The following IL3RA variants were observed in gnomAD, a reference collection of about 807,000 sequenced individuals.
The protein encoded by IL3RA is interleukin 3 receptor subunit alpha, also known as interleukin-3 receptor subunit alpha.
In IL3RA, 73 loss-of-function variants were observed where a neutral mutation model predicts 52.3. That is an observed-to-expected ratio of 1.40 (90% confidence interval 1.16 to 1.70). The LOEUF (loss-of-function observed/expected upper bound fraction) is 1.70, where lower values mean the gene tolerates loss of function less well. Among genes scored for constraint, IL3RA ranks in the 40% most tolerant of loss-of-function variants. IL3RA has a pLI of 0.00. For synonymous variants in IL3RA, 260 were observed against 194.0 expected, an observed-to-expected ratio of 1.34 and a Z score of -2.83; for missense variants, 664 against 504.4, an observed-to-expected ratio of 1.32 and a Z score of -3.03.
At chrX:1,379,246 C>A (rs1383696709) in intron 10 of IL3RA, among the ~76,000 whole-genome samples, 1 of 152,082 alleles carries the variant, frequency 6.6e-6, no homozygotes, top group Non-Finnish European at 1.5e-5. Flanking sequence ...GCCTCCACCT[C>A]CCGGGTTCAA....
intron 4 of IL3RA, among the ~76,000 whole-genome samples, chrX:1,349,084 T>C (rs1383888677): frequency 6.7e-6 from 1 of 149,084 alleles, no homozygotes; most frequent in Non-Finnish European, 1.5e-5. Context: ...CACAGCTTAC[T>C]GCAGGCTTCA....
At position 1,346,559 on chromosome X, in the gene IL3RA, A is replaced by T. The variant is rs17885336; in HGVS notation, c.183+1125A>T. On this transcript the variant is annotated intron_variant, in intron 3 of 11. Transcript: ENST00000331035. ...GAGGCCGAGGTTGCACTGAGCCGAG[A>T]TTGTGCCACTGCACTCCAGCCTGGG... Among the ~76,000 whole-genome samples, 912 of 152,042 alleles carry T rather than the reference A, an allele frequency of 6.0e-3. 31 individuals carry two copies. The highest frequency in any genetic ancestry group is 0.021 in the African/African-American group (880 of 41,352).
chrX:1,344,900 T>C (rs184042006), intron 2 of IL3RA, among the ~76,000 whole-genome samples: 2,881 of 149,344 alleles, frequency 0.019, 50 homozygotes, highest in African/African-American at 0.046. Flanking sequence ...CGGTGGCTCA[T>C]GCCTGTAATC....
chrX:1,368,896 A>C (rs775384017), intron 9 of IL3RA, among the ~76,000 whole-genome samples: 4 of 26,148 alleles, frequency 1.5e-4, no homozygotes, highest in Non-Finnish European at 1.9e-4. Context: ...TCTCATAAGA[A>C]GAGACGAGGA....
chrX:1,345,505 T>A (rs1213870579), intron 3 of IL3RA, 71 bp downstream of exon 3: 4 of 1,104,714 alleles, frequency 3.6e-6, no homozygotes, highest in African/African-American at 3.3e-5. Flanking sequence ...TTATTTATTT[T>A]TTGAGACGGA....
intron 3 of IL3RA, among the ~76,000 whole-genome samples, chrX:1,347,175 G>T (rs192267544): frequency 6.6e-6 from 1 of 151,550 alleles, no homozygotes; most frequent in Admixed American, 6.6e-5. Context: ...GGCCGGGCGT[G>T]GTGGCTCACG....
At chrX:1,362,514 TTCTG>T (rs1470018241) in intron 8 of IL3RA, among the ~76,000 whole-genome samples, 1 of 151,296 alleles carries the variant, frequency 6.6e-6, no homozygotes, top group African/African-American at 2.4e-5. Context: ...ATGTCTGTTT[TTCTG>T]TCTCTGTTTT....
At position 1,378,762 on chromosome X, in the gene IL3RA, A is replaced by G; in HGVS notation, c.978A>G (p.Arg326=). ...TGGTCTGTGTCTTCGTGATCTGCAG[A>G]AGGTGAGCCCTCGAGGGCGTCCGCG... ...LALVCVFVIC[R]RYLVMQRLFP... The change falls in exon 10 of 12, where the codon AGA becomes AGG. Residue 326 remains arginine (R), a splice_region_variant and synonymous_variant. Coordinates refer to ENST00000331035, the MANE Select transcript of IL3RA (RefSeq NM_002183.4). The G allele has an allele frequency of 6.2e-7, 1 of 1,612,102 alleles. No individual in the cohort carries two copies. The highest frequency in any genetic ancestry group is 8.5e-7 in the Non-Finnish European group (1 of 1,179,722).
At chrX:1,347,554 G>A (rs1167122302) in intron 3 of IL3RA, among the ~76,000 whole-genome samples, 1 of 151,822 alleles carries the variant, frequency 6.6e-6, no homozygotes, top group Non-Finnish European at 1.5e-5. Context: ...GAGAGGTGGA[G>A]GTTGCAGTGA....
chrX:1,361,419 A>G (rs2087348923), intron 8 of IL3RA, among the ~76,000 whole-genome samples: 1 of 152,010 alleles, frequency 6.6e-6, no homozygotes, highest in Non-Finnish European at 1.5e-5. Context: ...AAGGTGAAGG[A>G]GGAGGAAAGG....
intron 4 of IL3RA, among the ~76,000 whole-genome samples, chrX:1,350,194 C>T (rs1449321610): frequency 5.3e-4 from 80 of 152,082 alleles, no homozygotes; most frequent in African/African-American, 1.8e-3. Context: ...GTGGCTCACG[C>T]CTGTAATCCC....
rs1187426063 is a variant in IL3RA, at chrX:1,353,943, A to AGCC, written c.616+1437_616+1438insGCC. Among the ~76,000 whole-genome samples, 58 of 42,770 alleles carry AGCC rather than the reference A, an allele frequency of 1.4e-3. 1 individual carries two copies. Among genetic ancestry groups the AGCC allele is most frequent in the Non-Finnish European group, 2.4e-3 (52 of 21,798 alleles). 28.1% of individuals were successfully genotyped at this position (42,770 alleles called of 152,430 possible). On this transcript the variant is annotated intron_variant, in intron 6 of 11. Transcript: ENST00000331035. ...CATGGGTTCCATCATGGGTCATGGG[A>AGCC]CCCCCCCCCCCATCATGGGTCGTGG...
At chrX:1,378,316 A>G (rs1267468728) in intron 9 of IL3RA, among the ~76,000 whole-genome samples, 1 of 152,116 alleles carries the variant, frequency 6.6e-6, no homozygotes, top group Non-Finnish European at 1.5e-5. Flanking sequence ...CCCACACCCA[A>G]AGCACCTGCC....
intron 4 of IL3RA, among the ~76,000 whole-genome samples, chrX:1,349,644 T>G: frequency 6.6e-6 from 1 of 150,842 alleles, no homozygotes; most frequent in African/African-American, 2.5e-5. Context: ...TAGAAGTCCA[T>G]GGTTTATTTT....
chrX:1,347,382 T>C (rs2085795599), intron 3 of IL3RA, among the ~76,000 whole-genome samples: 1 of 151,220 alleles, frequency 6.6e-6, no homozygotes, highest in South Asian at 2.1e-4. Flanking sequence ...AGGCAGAAGC[T>C]TGCAGTGAGC....
At chrX:1,347,993 C>T (rs768086902) in intron 3 of IL3RA, among the ~76,000 whole-genome samples, 30 of 143,600 alleles carry the variant, frequency 2.1e-4, no homozygotes, top group African/African-American at 6.2e-4. Flanking sequence ...GCCGAGATCG[C>T]GCCCCTGCAC....
intron 9 of IL3RA, among the ~76,000 whole-genome samples, chrX:1,367,619 CG>C (rs1337125967): frequency 2.9e-5 from 3 of 102,848 alleles, no homozygotes; most frequent in Admixed American, 9.5e-5. Flanking sequence ...GCGGGGTGCG[CG>C]GGGTGAGCGG....
intron 9 of IL3RA, among the ~76,000 whole-genome samples, chrX:1,377,434 T>C (rs1323642449): frequency 1.3e-5 from 2 of 151,930 alleles, no homozygotes; most frequent in Admixed American, 1.3e-4. Context: ...AGAGACGGGC[T>C]TTCTGGCCAT....
At chrX:1,380,599 AGG>A (rs1272226668) in intron 10 of IL3RA, among the ~76,000 whole-genome samples, 3 of 16,072 alleles carry the variant, frequency 1.9e-4, no homozygotes, top group African/African-American at 1.5e-3. Flanking sequence ...AAGGGGGAGG[AGG>A]AGAGGGGAGG....
Sources: allele counts gnomAD v4.1 joint callset (sites outside exome capture counted in the v4.1 genomes callset), GRCh38; gene constraint gnomAD v4.1.1; transcripts MANE v1.5; gene names NCBI Gene and HGNC (gene_info 2026-07-23, HGNC 2026-07-21).